EOGT: variants seen among roughly 807,000 people sequenced by gnomAD.
EOGT encodes the protein EGF domain-specific O-linked N-acetylglucosamine transferase.
Under a neutral mutation model 70.5 loss-of-function variants are expected in EOGT, and 55 were observed. The observed-to-expected ratio is 0.78, with a 90% CI of 0.63 to 0.98. The LOEUF (loss-of-function observed/expected upper bound fraction) is 0.98, where lower values mean the gene tolerates loss of function less well. EOGT is among the 50% of genes least tolerant of loss of function. The pLI is 0.00. For missense variants in EOGT, 703 were observed against 641.9 expected, an observed-to-expected ratio of 1.10 and a Z score of -1.03; for synonymous variants, 246 against 217.1, an observed-to-expected ratio of 1.13 and a Z score of -1.17.
At chr3:68,982,144 G>T (rs1346651437) in intron 15 of EOGT, among the ~76,000 whole-genome samples, 1 of 152,056 alleles carries the variant, frequency 6.6e-6, no homozygotes. Context: ...CCTGAGCCCA[G>T]GCAATCCACC....
At chr3:68,982,747 C>A (rs2090685451) in intron 15 of EOGT, 64 bp downstream of exon 15, 1 of 1,236,506 alleles carries the variant, frequency 8.1e-7, no homozygotes, top group East Asian at 2.5e-5. Context: ...AAAATGCTTT[C>A]TAGCCCCCTT....
chr3:68,996,332 G>A (rs2091145642), intron 10 of EOGT, among the ~76,000 whole-genome samples: 1 of 152,142 alleles, frequency 6.6e-6, no homozygotes, highest in South Asian at 2.1e-4. Context: ...TTAAGGGTCG[G>A]CAAAACTGTC....
intron 3 of EOGT, among the ~76,000 whole-genome samples, chr3:69,011,407 C>T (rs1057053722): frequency 1.8e-4 from 28 of 151,524 alleles, no homozygotes; most frequent in African/African-American, 6.8e-4. Flanking sequence ...TGGCAGATTG[C>T]TTGAGTCCCT....
At chr3:68,993,874 T>A (rs1216420056) in intron 10 of EOGT, among the ~76,000 whole-genome samples, 2 of 151,950 alleles carry the variant, frequency 1.3e-5, no homozygotes, top group Non-Finnish European at 2.9e-5. Flanking sequence ...ACCCATCAGA[T>A]CTCATGAGAC....
chr3:69,001,813 C>T, intron 8 of EOGT, 99 bp from the exon 9 acceptor site: 1 of 773,832 alleles, frequency 1.3e-6, no homozygotes, highest in East Asian at 2.7e-5. Flanking sequence ...GATTTTACCT[C>T]TAAATGGTAC....
intron 10 of EOGT, among the ~76,000 whole-genome samples, chr3:68,991,617 G>A (rs376206279): frequency 6.0e-4 from 91 of 152,236 alleles, no homozygotes; most frequent in African/African-American, 2.1e-3. Flanking sequence ...ATAATACTAA[G>A]GTGGCAATAT....
At position 68,976,121 on chromosome 3, in the gene EOGT, G is replaced by A. The variant is rs1355816769; in HGVS notation, c.*1497C>T. On this transcript the variant is annotated 3_prime_UTR_variant, in exon 18 of 18. Coordinates refer to ENST00000383701, the MANE Select transcript of EOGT (RefSeq NM_001278689.2). ...ACTCAAAGAGTGGGGCTACATTCCAGATATTCTTTTTAATCAATGACACTG... is the reference window on the plus strand; with the variant it reads ...ACTCAAAGAGTGGGGCTACATTCCAAATATTCTTTTTAATCAATGACACTG... The A allele has an allele frequency of 6.6e-6, 1 of 152,180 alleles. No individual in the cohort carries two copies. Among genetic ancestry groups the A allele is most frequent in the East Asian group, 1.9e-4 (1 of 5,204 alleles). The allele number at this position is 152,180 out of a possible 1,614,324, so 9.4% of individuals were successfully genotyped here.
chr3:68,986,011 C>T (rs553259110), intron 14 of EOGT, among the ~76,000 whole-genome samples: 21 of 152,166 alleles, frequency 1.4e-4, no homozygotes, highest in African/African-American at 4.3e-4. Flanking sequence ...CCTCCATCTT[C>T]GAAGCCAGCA....
In EOGT at chr3:68,982,883, A is replaced by C. The variant is rs951577850; in HGVS notation, c.1153-11T>G. On this transcript the variant is annotated splice_polypyrimidine_tract_variant and intron_variant, in intron 14 of 17. Transcript: ENST00000383701. ...CAGTGCATTTACAAGCTGGGAAAAA[A>C]AGAGAAACATTTAGCATTTCTTTTC... 6.3e-7 allele frequency: 1 copy of C among 1,596,346 alleles called. No individual in the cohort carries two copies. The highest frequency in any genetic ancestry group is 8.5e-7 in the Non-Finnish European group (1 of 1,171,246).
intron 10 of EOGT, among the ~76,000 whole-genome samples, chr3:68,990,635 C>T (rs1234632147): frequency 1.3e-5 from 2 of 151,926 alleles, no homozygotes; most frequent in Non-Finnish European, 2.9e-5. Context: ...ATTACAGAAA[C>T]CACACCCAGC....
chr3:69,008,459 A>G lies in EOGT; in HGVS notation c.280T>C (p.Tyr94His), dbSNP rs369664601. ...KSCKPEFRFGYPVCSYVDMGW... is the reference protein window; with the variant it reads ...KSCKPEFRFGHPVCSYVDMGW... The stretch of plus-strand genomic sequence containing the variant: ...ATGTCGACATAGCTGCAAACTGGGT[A>G]ACCAAACCTGAACTCTGGTTTGCAG... The change falls in exon 5 of 18, where the codon TAC (tyrosine) becomes CAC (histidine). Residue 94 changes from tyrosine (Y) to histidine (H), a missense_variant. Physicochemically the swap from Tyr to His is moderately conservative, Grantham distance 83. Coordinates refer to ENST00000383701, the MANE Select transcript of EOGT (RefSeq NM_001278689.2). The G allele has an allele frequency of 3.3e-5, 53 of 1,614,112 alleles. No homozygotes were observed. The highest frequency in any genetic ancestry group is 3.9e-5 in the Non-Finnish European group (46 of 1,179,968).
At chr3:69,011,716 C>T (rs2091583606) in intron 3 of EOGT, among the ~76,000 whole-genome samples, 1 of 151,970 alleles carries the variant, frequency 6.6e-6, no homozygotes, top group Admixed American at 6.5e-5. Context: ...AAAAGGAATC[C>T]TTTTTCCCCC....
At chr3:68,984,145 T>G (rs1335720583) in intron 14 of EOGT, among the ~76,000 whole-genome samples, 2 of 152,054 alleles carry the variant, frequency 1.3e-5, no homozygotes, top group African/African-American at 4.8e-5. Flanking sequence ...TCTTAACCAG[T>G]GCACTCTATT....
At chr3:69,012,942 A>G (rs1575794799) in intron 1 of EOGT, 143 bp from the exon 2 acceptor site, 1 of 152,222 alleles carries the variant, frequency 6.6e-6, no homozygotes, top group South Asian at 2.1e-4. Context: ...GGCAAATGGA[A>G]AGTTCAACAC....
intron 9 of EOGT, among the ~76,000 whole-genome samples, chr3:68,999,569 T>C (rs1230863398): frequency 1.3e-5 from 2 of 152,166 alleles, no homozygotes; most frequent in African/African-American, 2.4e-5. Flanking sequence ...GAAATAACAG[T>C]ATAAAAATAC....
At chr3:69,007,862 C>G in intron 5 of EOGT, 41 bp from the exon 6 acceptor site, 1 of 1,413,052 alleles carries the variant, frequency 7.1e-7, no homozygotes, top group Non-Finnish European at 9.8e-7. Flanking sequence ...TTTCTTTTTA[C>G]TTTTTTGGAC....
chr3:68,984,942 C>G (rs1369573455), intron 14 of EOGT, among the ~76,000 whole-genome samples: 2 of 152,152 alleles, frequency 1.3e-5, no homozygotes, highest in South Asian at 2.1e-4. Flanking sequence ...CAGTCCCTGA[C>G]TACCTTGACT....
In EOGT at chr3:69,009,806, A is replaced by G; in HGVS notation, c.41T>C (p.Val14Ala). The part of the protein sequence containing the change: ...LFVFGVLLHE[V>A]SLSGQNEAPP... ...AGCTTCATTCTGACCACTCAGTGAG[A>G]CTTCATGAAGTAAGACTCCAAAGAC... is the stretch of plus-strand genomic sequence containing the variant. The change falls in exon 4 of 18, where the codon GTC (valine) becomes GCC (alanine). Residue 14 changes from valine (V) to alanine (A), a missense_variant. Transcript: ENST00000383701. 1 of 1,614,042 alleles carries G rather than the reference A, an allele frequency of 6.2e-7. No individual in the cohort carries two copies. Among genetic ancestry groups the G allele is most frequent in the South Asian group, 1.1e-5 (1 of 91,082 alleles).
chr3:69,010,897 AAGGTGC>A (rs2091558706), intron 3 of EOGT, among the ~76,000 whole-genome samples: 1 of 152,232 alleles, frequency 6.6e-6, no homozygotes, highest in African/African-American at 2.4e-5. Context: ...TACAGCAATG[AAGGTGC>A]AGTCACGAAC....
Sources: allele counts gnomAD v4.1 joint callset (sites outside exome capture counted in the v4.1 genomes callset), GRCh38; gene constraint gnomAD v4.1.1; transcripts MANE v1.5; gene names NCBI Gene and HGNC (gene_info 2026-07-23, HGNC 2026-07-21).